The following SPAG16 variants were observed in gnomAD, a reference collection of about 807,000 sequenced individuals.
SPAG16 encodes the protein sperm associated antigen 16, also known as sperm-associated antigen 16 protein.
In SPAG16, 86 loss-of-function variants were observed where a neutral mutation model predicts 80.4. The observed-to-expected ratio is 1.07, with a 90% CI of 0.90 to 1.28. The LOEUF (loss-of-function observed/expected upper bound fraction) is 1.28, where lower values mean the gene tolerates loss of function less well. Ranked by LOEUF, SPAG16 falls within the 50% of genes most tolerant of loss-of-function variation. The pLI is 0.00. For synonymous variants in SPAG16, 294 were observed against 265.9 expected (o/e 1.11, Z -1.03); for missense variants, 870 against 765.3 (o/e 1.14, Z -1.61).
At chr2:213,372,889 A>G (rs769470345) in intron 8 of SPAG16, among the ~76,000 whole-genome samples, 1 of 152,306 alleles carries the variant, frequency 6.6e-6, no homozygotes, top group Non-Finnish European at 1.5e-5. Flanking sequence ...ATATTTATCC[A>G]AGAGCCTGAA....
At chr2:214,255,610 T>C (rs938636631) in intron 15 of SPAG16, among the ~76,000 whole-genome samples, 2 of 151,952 alleles carry the variant, frequency 1.3e-5, no homozygotes, top group Admixed American at 6.6e-5. Context: ...CTACCAGATA[T>C]GGAATGTTAT....
chr2:214,253,090 G>GAC (rs1553538275), intron 15 of SPAG16, among the ~76,000 whole-genome samples: 1 of 12,684 alleles, frequency 7.9e-5, no homozygotes, highest in East Asian at 2.2e-3. Context: ...CTGCATAAAT[G>GAC]TCTTTTTTTT....
intron 12 of SPAG16, among the ~76,000 whole-genome samples, chr2:213,994,111 T>C (rs569512111): frequency 6.6e-6 from 1 of 152,188 alleles, no homozygotes; most frequent in Non-Finnish European, 1.5e-5. Flanking sequence ...AGGAAGTATG[T>C]GTGTGATTTT....
chr2:214,401,766 CAT>C (rs1701721608), intron 15 of SPAG16, among the ~76,000 whole-genome samples: 2 of 151,826 alleles, frequency 1.3e-5, no homozygotes, highest in South Asian at 4.1e-4. Flanking sequence ...TAGAAAAATG[CAT>C]AGTTTTAGCC....
Position 214,279,129 on chromosome 2 carries a change from G to T in SPAG16, c.1720+129863G>T, listed in dbSNP as rs182892554. ...TTTTTTTTTTTTTTTTTTGAGTCTC[G>T]CTCTGTCTTCAGGTTGGAGTGCAGT... On this transcript the variant is annotated intron_variant, in intron 15 of 15. Transcript: ENST00000331683. Among the ~76,000 whole-genome samples, 392 of 137,420 alleles carry T rather than the reference G, an allele frequency of 2.9e-3. 2 individuals carry two copies. Among genetic ancestry groups the T allele is most frequent in the Admixed American group, 0.023 (297 of 12,898 alleles). 90.2% of individuals were successfully genotyped at this position (137,420 alleles called of 152,430 possible). A position where few individuals can be genotyped will look rare whatever the true frequency, so the allele number is the denominator to read the frequency against.
intron 10 of SPAG16, among the ~76,000 whole-genome samples, chr2:213,633,906 ATG>A (rs1237402545): frequency 6.6e-6 from 1 of 151,806 alleles, no homozygotes; most frequent in Non-Finnish European, 1.5e-5. Context: ...TTTTCAGTTT[ATG>A]TGTGTCTTTG....
chr2:214,060,740 C>A (rs774206322), intron 13 of SPAG16, among the ~76,000 whole-genome samples: 2 of 152,074 alleles, frequency 1.3e-5, no homozygotes, highest in Admixed American at 6.6e-5. Flanking sequence ...GATTGCTTTT[C>A]TCGGGCATGG....
intron 5 of SPAG16, among the ~76,000 whole-genome samples, chr2:213,334,365 A>G (rs1264400769): frequency 1.3e-5 from 2 of 152,206 alleles, no homozygotes; most frequent in African/African-American, 4.8e-5. Context: ...GGGATTGTAA[A>G]TTAGTACAAC....
chr2:214,143,234 G>GTTTTTTTTTTTTTT (rs59910884), intron 14 of SPAG16, among the ~76,000 whole-genome samples: 3 of 112,670 alleles, frequency 2.7e-5, no homozygotes, highest in African/African-American at 1.0e-4. Context: ...ATAGTTTTGG[G>GTTTTTTTTTTTTTT]TTTTTTTTTT....
chr2:213,531,776 T>C, intron 10 of SPAG16, among the ~76,000 whole-genome samples: 1 of 152,198 alleles, frequency 6.6e-6, no homozygotes. Context: ...CCTTCTTTTT[T>C]ACTAATTTTT....
chr2:213,348,011 G>A (rs1314365884), intron 6 of SPAG16, among the ~76,000 whole-genome samples: 1 of 152,152 alleles, frequency 6.6e-6, no homozygotes, highest in African/African-American at 2.4e-5. Context: ...TTATGATTGT[G>A]TGGGAGTCTA....
intron 15 of SPAG16, among the ~76,000 whole-genome samples, chr2:214,284,811 G>A (rs1448594374): frequency 1.7e-5 from 2 of 120,136 alleles, no homozygotes; most frequent in East Asian, 5.1e-4. Flanking sequence ...GTGTGTGTGT[G>A]TGTGTGTGTG....
At chr2:213,464,491 A>T (rs1296726155) in intron 9 of SPAG16, among the ~76,000 whole-genome samples, 1 of 152,228 alleles carries the variant, frequency 6.6e-6, no homozygotes, top group African/African-American at 2.4e-5. Context: ...GTGAGGAATT[A>T]TCTAATTAAT....
intron 15 of SPAG16, among the ~76,000 whole-genome samples, chr2:214,218,164 C>A (rs1406784841): frequency 6.6e-6 from 1 of 152,080 alleles, no homozygotes. Context: ...GACTTCGATT[C>A]TTACATCAGC....
chr2:214,346,600 C>T (rs867593368), intron 15 of SPAG16, among the ~76,000 whole-genome samples: 1 of 152,206 alleles, frequency 6.6e-6, no homozygotes, highest in Middle Eastern at 3.4e-3. Flanking sequence ...GAGGAAATAA[C>T]GCTATGTGAC....
chr2:214,049,681 C>T (rs11674373), intron 13 of SPAG16, among the ~76,000 whole-genome samples: 31,351 of 152,074 alleles, frequency 0.21, 3,625 homozygotes, highest in Middle Eastern at 0.28. Context: ...CATGGCAGAG[C>T]TGGGGACCAG....
chr2:214,249,703 C>CATGGTGG lies in SPAG16; in HGVS notation c.1720+100440_1720+100446dup, dbSNP rs1286834418. Among the ~76,000 whole-genome samples, 4 of 151,806 alleles carry CATGGTGG rather than the reference C, an allele frequency of 2.6e-5. No homozygotes were observed. The East Asian group carries it at 7.7e-4, about 29-fold the overall frequency. On this transcript the variant is annotated intron_variant, in intron 15 of 15. Transcript: ENST00000331683. Reference sequence around the variant, plus strand: ...ATTTAAAACTGTTTAGACTGATACACATGGTGGATATAACAGTATTTCTAG... The same window carrying CATGGTGG: ...ATTTAAAACTGTTTAGACTGATACACATGGTGGATGGTGGATATAACAGTATTTCTAG...
intron 3 of SPAG16, among the ~76,000 whole-genome samples, chr2:213,305,591 T>A (rs1270834879): frequency 6.6e-6 from 1 of 152,162 alleles, no homozygotes; most frequent in Middle Eastern, 3.2e-3. Flanking sequence ...TATCAAATGC[T>A]TTTTTCAGCA....
At chr2:214,016,087 G>T (rs2047577695) in intron 13 of SPAG16, among the ~76,000 whole-genome samples, 1 of 152,096 alleles carries the variant, frequency 6.6e-6, no homozygotes, top group Non-Finnish European at 1.5e-5. Flanking sequence ...GAGATTTTCA[G>T]AGCTAAAATT....
Sources: gnomAD v4.1 joint callset for allele counts (sites outside exome capture counted in the v4.1 genomes callset) on GRCh38, gnomAD v4.1.1 for gene constraint, MANE v1.5 for transcripts, NCBI Gene and HGNC (gene_info 2026-07-23, HGNC 2026-07-21) for gene names.